Variants in CD109 observed in about 807,000 individuals in gnomAD.
CD109 encodes CD109 molecule.
CD109 carries 149 observed loss-of-function variants against 165.8 expected under a neutral mutation model. The observed-to-expected ratio is 0.90, with a 90% CI of 0.79 to 1.03. The LOEUF is 1.03. Among genes scored for constraint, CD109 ranks in the 50% least tolerant of loss-of-function variants. CD109 has a pLI of 0.00. For missense variants in CD109, 1,712 were observed against 1,677.8 expected (o/e 1.02, Z -0.36); for synonymous variants, 585 against 592.1 (o/e 0.99, Z 0.18).
chr6:73,753,010 T>C (rs751703122), intron 5 of CD109, among the ~76,000 whole-genome samples: 8 of 152,348 alleles, frequency 5.3e-5, no homozygotes, highest in Non-Finnish European at 1.2e-4. Flanking sequence ...GAACGAACAC[T>C]GAACAATTTG....
intron 1 of CD109, 49 bp from the exon 2 acceptor site, chr6:73,697,351 A>C (rs1204502319): frequency 6.4e-7 from 1 of 1,555,248 alleles, no homozygotes; most frequent in African/African-American, 1.4e-5. Flanking sequence ...AAAAGAAAGG[A>C]GATGTGAGGA....
intron 5 of CD109, among the ~76,000 whole-genome samples, chr6:73,750,270 G>C (rs1012877700): frequency 6.6e-6 from 1 of 152,160 alleles, no homozygotes; most frequent in Non-Finnish European, 1.5e-5. Context: ...GCTCAGTTTG[G>C]GTGAGTGGTA....
Position 73,825,326 on chromosome 6 carries a change from G to T in CD109, c.*1693G>T, listed in dbSNP as rs544506659. 1 of 152,072 alleles carries T rather than the reference G, an allele frequency of 6.6e-6. No homozygotes were observed. Among genetic ancestry groups the T allele is most frequent in the Non-Finnish European group, 1.5e-5 (1 of 68,010 alleles). The allele number at this position is 152,072 out of a possible 1,614,324, so 9.4% of individuals were successfully genotyped here. ...AAGTTTCTAGATCTCTTACACCTCT[G>T]ACACAATCTGTTCTAAAACAGGCAC... On this transcript the variant is annotated 3_prime_UTR_variant, in exon 33 of 33. Transcript: ENST00000287097.
rs372977693 is a variant in CD109 at position 73,766,057 on chromosome 6, T to C, written c.1235T>C (p.Met412Thr). The change falls in exon 11 of 33, where the codon ATG (methionine) becomes ACG (threonine). Residue 412 changes from methionine to threonine, a missense_variant. By Grantham distance (81) the Met-to-Thr change is moderately conservative. Coordinates refer to ENST00000287097, the MANE Select transcript of CD109 (RefSeq NM_133493.5). ...WSGSNSGNQK[M>T]EAVQKINYTV... ...GGATCTAACAGTGGAAATCAGAAAA[T>C]GGAAGCTGTTCAGAAAATAAATTAT... 4.3e-6 allele frequency: 7 copies of C among 1,613,780 alleles called. No homozygotes were observed. The African/African-American group carries it at 9.4e-5, about 22-fold the overall frequency.
At chr6:73,739,635 T>C (rs1422866451) in intron 5 of CD109, among the ~76,000 whole-genome samples, 4 of 151,884 alleles carry the variant, frequency 2.6e-5, no homozygotes, top group South Asian at 2.1e-4. Flanking sequence ...GATCACGAGG[T>C]CAGGAGACCG....
chr6:73,808,476 A>T (rs889416265), intron 26 of CD109, among the ~76,000 whole-genome samples: 1 of 152,042 alleles, frequency 6.6e-6, no homozygotes, highest in Non-Finnish European at 1.5e-5. Flanking sequence ...TAGATATGTG[A>T]TGCCCTATGT....
intron 21 of CD109, 71 bp from the exon 22 acceptor site, chr6:73,788,397 C>A: frequency 7.2e-7 from 1 of 1,380,788 alleles, no homozygotes. Context: ...TGTTTGTGCT[C>A]ATATCTGCGT....
chr6:73,745,480 G>A (rs1021618659), intron 5 of CD109, among the ~76,000 whole-genome samples: 1 of 152,130 alleles, frequency 6.6e-6, no homozygotes, highest in African/African-American at 2.4e-5. Flanking sequence ...ATGCATTGGT[G>A]GAGAAGATAC....
intron 7 of CD109, among the ~76,000 whole-genome samples, chr6:73,760,406 C>CAAAAAA (rs35181896): frequency 2.4e-4 from 4 of 16,600 alleles, no homozygotes; most frequent in South Asian, 3.4e-3. Context: ...GACCCCGTCT[C>CAAAAAA]AAAAAAAAAA....
At chr6:73,775,850 C>T (rs1374298145) in intron 15 of CD109, among the ~76,000 whole-genome samples, 1 of 152,150 alleles carries the variant, frequency 6.6e-6, no homozygotes, top group African/African-American at 2.4e-5. Flanking sequence ...AGGAGATGAT[C>T]TTGTTCTTTA....
At chr6:73,802,467 A>G (rs189260491) in intron 23 of CD109, among the ~76,000 whole-genome samples, 377 of 151,748 alleles carry the variant, frequency 2.5e-3, no homozygotes, top group African/African-American at 8.2e-3. Context: ...CTAAGAATAG[A>G]AAATACTTTT....
At position 73,811,123 on chromosome 6, in the gene CD109, C is replaced by G; in HGVS notation, c.3678C>G (p.Asn1226Lys). 1 of 1,613,128 alleles carries G rather than the reference C, an allele frequency of 6.2e-7. No individual in the cohort carries two copies. Among genetic ancestry groups the G allele is most frequent in the South Asian group, 1.1e-5 (1 of 91,012 alleles). ...SPVKFLIDTH[N>K]RLLLQTAELA... ...TAAAGTTTCTGATTGACACACACAA[C>G]CGCTTACTCCTTCAGACAGCAGAGG... Residue 1226 changes from asparagine to lysine, a missense_variant, in exon 28 of 33, where the codon AAC (asparagine) becomes AAG (lysine). By Grantham distance (94) the Asn-to-Lys change is moderately conservative. Transcript: ENST00000287097.
At chr6:73,693,497 G>T (rs1292762616), upstream of CD109, among the ~76,000 whole-genome samples, 1 of 152,176 alleles carries the variant, frequency 6.6e-6, no homozygotes, top group Non-Finnish European at 1.5e-5. Context: ...AGCTTTGGGC[G>T]ACAAACATCC....
intron 7 of CD109, among the ~76,000 whole-genome samples, chr6:73,760,176 G>C (rs527998324): frequency 6.6e-6 from 1 of 151,352 alleles, no homozygotes; most frequent in Admixed American, 6.6e-5. Flanking sequence ...GGGAGGCCGA[G>C]GCGGGCGGGT....
intron 2 of CD109, among the ~76,000 whole-genome samples, chr6:73,709,893 G>A (rs370809130): frequency 3.3e-5 from 5 of 152,002 alleles, no homozygotes; most frequent in African/African-American, 7.3e-5. Flanking sequence ...ATTCAACAGC[G>A]CTTCATGCTA....
the CD109 span, among the ~76,000 whole-genome samples, chr6:73,684,329 C>G: frequency 6.6e-6 from 1 of 151,346 alleles, no homozygotes; most frequent in East Asian, 2.0e-4. Flanking sequence ...AGATGATCCT[C>G]CCACTTCAAT....
intron 15 of CD109, among the ~76,000 whole-genome samples, chr6:73,773,698 TCTC>T (rs1295408462): frequency 6.6e-6 from 1 of 152,142 alleles, no homozygotes; most frequent in East Asian, 1.9e-4. Flanking sequence ...GTCTCCTCCT[TCTC>T]CTCCTACCCT....
chr6:73,800,342 A>G (rs1196574191), intron 23 of CD109, among the ~76,000 whole-genome samples: 3 of 152,138 alleles, frequency 2.0e-5, no homozygotes, highest in Non-Finnish European at 4.4e-5. Flanking sequence ...TTATTCAATC[A>G]GTCTCCAGTT....
In CD109 at chr6:73,792,578, G is replaced by A. The variant is rs200426249; in HGVS notation, c.2702-48G>A. The A allele has an allele frequency of 1.0e-5, 16 of 1,561,054 alleles. No individual in the cohort carries two copies. The Admixed American group carries it at 1.6e-4, about 15-fold the overall frequency. On this transcript the variant is annotated intron_variant, in intron 22 of 32. Transcript: ENST00000287097. The stretch of plus-strand genomic sequence containing the variant: ...GAAGTCTCTTTGCCACCAGCAGGTC[G>A]TTGTTACTGAGTATTTACTGAATGA...
Sources: allele counts gnomAD v4.1 joint callset (sites outside exome capture counted in the v4.1 genomes callset), GRCh38; gene constraint gnomAD v4.1.1; transcripts MANE v1.5; gene names NCBI Gene and HGNC (gene_info 2026-07-23, HGNC 2026-07-21).